Variants in TMEM14A observed in about 807,000 individuals in gnomAD.
TMEM14A encodes transmembrane protein 14A.
In TMEM14A, 8 loss-of-function variants were observed where a neutral mutation model predicts 11.6. The ratio of observed to expected loss-of-function variants is 0.69; its 90% CI spans 0.40 to 1.24. The LOEUF (loss-of-function observed/expected upper bound fraction) is 1.24. Among genes scored for constraint, TMEM14A ranks in the 50% most tolerant of loss-of-function variants. The pLI is 0.01. For missense variants in TMEM14A, 108 were observed against 121.9 expected (o/e 0.89, Z 0.54); for synonymous variants, 34 against 45.5 (o/e 0.75, Z 1.02).
intron 2 of TMEM14A, among the ~76,000 whole-genome samples, chr6:52,680,726 A>G (rs1236648530): frequency 1.5e-4 from 5 of 32,930 alleles, no homozygotes; most frequent in Admixed American, 3.2e-4. Context: ...TATGGCATGG[A>G]TGATTAACCC....
intron 2 of TMEM14A, among the ~76,000 whole-genome samples, chr6:52,680,127 C>T (rs540856793): frequency 4.6e-5 from 7 of 152,026 alleles, no homozygotes; most frequent in South Asian, 2.1e-4. Flanking sequence ...AAACAGCAAT[C>T]GCTCACAAGT....
At position 52,686,379 on chromosome 6, in the gene TMEM14A, A is replaced by G. The variant is rs1769494545; in HGVS notation, c.*330A>G. 5.2e-6 allele frequency: 2 copies of G among 385,872 alleles called. No homozygotes were observed. The highest frequency in any genetic ancestry group is 9.2e-6 in the Non-Finnish European group (2 of 217,156). The allele number at this position is 385,872 out of a possible 1,614,324, so 23.9% of individuals were successfully genotyped here. A position where few individuals can be genotyped will look rare whatever the true frequency, so the allele number is the denominator to read the frequency against. ...GTAAGCTTAAACTACAACTTGTCACATAAAGGAAGTCTTAAGTGGAGTTCA... is the reference window on the plus strand; with the variant it reads ...GTAAGCTTAAACTACAACTTGTCACGTAAAGGAAGTCTTAAGTGGAGTTCA... On this transcript the variant is annotated 3_prime_UTR_variant, in exon 5 of 5. Transcript: ENST00000211314.
chr6:52,676,693 A>G (rs913209754), intron 1 of TMEM14A, among the ~76,000 whole-genome samples: 4 of 152,212 alleles, frequency 2.6e-5, no homozygotes, highest in African/African-American at 7.2e-5. Flanking sequence ...AATCAACTCA[A>G]CTTCCGCAGG....
intron 2 of TMEM14A, among the ~76,000 whole-genome samples, chr6:52,678,382 T>C (rs879459434): frequency 4.7e-5 from 7 of 150,360 alleles, no homozygotes; most frequent in Non-Finnish European, 7.4e-5. Context: ...GAAGGAATCA[T>C]TTTATTCTAA....
chr6:52,677,277 A>T, intron 2 of TMEM14A, 105 bp downstream of exon 2: 3 of 1,261,206 alleles, frequency 2.4e-6, no homozygotes, highest in Non-Finnish European at 3.5e-6. Flanking sequence ...AAGATGCCTT[A>T]GAGGTGGCTG....
intron 1 of TMEM14A, among the ~76,000 whole-genome samples, chr6:52,676,153 G>A (rs1159157224): frequency 6.6e-6 from 1 of 152,204 alleles, no homozygotes; most frequent in Non-Finnish European, 1.5e-5. Context: ...GGCAGATCTT[G>A]AAGACAGGCA....
intron 3 of TMEM14A, among the ~76,000 whole-genome samples, chr6:52,683,477 CAACAACAAAAA>C (rs1214033583): frequency 4.4e-4 from 38 of 86,230 alleles, no homozygotes; most frequent in Non-Finnish European, 7.1e-4. Context: ...ACAACAACAA[CAACAACAAAAA>C]AAAAAAAAAG....
At chr6:52,682,057 T>C (rs1407678345) in intron 3 of TMEM14A, 143 bp downstream of exon 3, 4 of 568,778 alleles carry the variant, frequency 7.0e-6, no homozygotes, top group Non-Finnish European at 9.0e-6. Flanking sequence ...CAACACTTAT[T>C]CCTTTCTAGA....
chr6:52,677,711 T>C (rs1264733396), intron 2 of TMEM14A, among the ~76,000 whole-genome samples: 1 of 152,238 alleles, frequency 6.6e-6, no homozygotes, highest in Non-Finnish European at 1.5e-5. Flanking sequence ...TTTATAGTTA[T>C]GATGTCTCCT....
intron 2 of TMEM14A, among the ~76,000 whole-genome samples, chr6:52,678,329 TTGTGTG>T (rs201993880): frequency 0.023 from 685 of 30,116 alleles, 3 homozygotes; most frequent in East Asian, 0.086. Context: ...ATGTGTGTGT[TTGTGTG>T]TGTGTGTGTG....
At chr6:52,678,840 C>T (rs921534208) in intron 2 of TMEM14A, among the ~76,000 whole-genome samples, 1 of 152,156 alleles carries the variant, frequency 6.6e-6, no homozygotes, top group Non-Finnish European at 1.5e-5. Flanking sequence ...GGTCTGTGAG[C>T]CATGAGGCAT....
In TMEM14A at chr6:52,686,052, A is replaced by T; in HGVS notation, c.*3A>T. 1 of 1,611,158 alleles carries T rather than the reference A, an allele frequency of 6.2e-7. No homozygotes were observed. On this transcript the variant is annotated 3_prime_UTR_variant, in exon 5 of 5. Transcript: ENST00000211314. ...GACTTGTCTTGTTGCTGCTCTGAGCATCTGGAGGAACAGAAAACTAAGTTC... is the reference window on the plus strand; with the variant it reads ...GACTTGTCTTGTTGCTGCTCTGAGCTTCTGGAGGAACAGAAAACTAAGTTC...
At chr6:52,680,679 A>ATGTGTGTG (rs1283962149) in intron 2 of TMEM14A, among the ~76,000 whole-genome samples, 1 of 80,264 alleles carries the variant, frequency 1.2e-5, no homozygotes, top group Admixed American at 1.2e-4. Flanking sequence ...GTATATATAT[A>ATGTGTGTG]TATACATATA....
At chr6:52,675,955 G>A (rs1362552554) in intron 1 of TMEM14A, among the ~76,000 whole-genome samples, 2 of 152,218 alleles carry the variant, frequency 1.3e-5, no homozygotes, top group Non-Finnish European at 2.9e-5. Context: ...GAAGTCAGGG[G>A]AGAAGGTTTA....
chr6:52,677,004 C>T, intron 1 of TMEM14A, 83 bp from the exon 2 acceptor site: 1 of 1,299,912 alleles, frequency 7.7e-7, no homozygotes. Flanking sequence ...ACAGCCAAAC[C>T]ATATAAGCGT....
intron 3 of TMEM14A, 38 bp downstream of exon 3, chr6:52,681,952 C>T (rs762478910): frequency 2.1e-5 from 32 of 1,550,458 alleles, no homozygotes; most frequent in African/African-American, 9.5e-5. Flanking sequence ...GAGACTCAAA[C>T]ATTGGAGGTG....
intron 2 of TMEM14A, 85 bp downstream of exon 2, chr6:52,677,257 T>C: frequency 1.4e-6 from 2 of 1,448,630 alleles, no homozygotes; most frequent in Non-Finnish European, 1.9e-6. Flanking sequence ...GTAAGTAGGA[T>C]GAGAAGCTAA....
intron 1 of TMEM14A, among the ~76,000 whole-genome samples, chr6:52,671,642 T>G (rs1292983869): frequency 6.6e-6 from 1 of 152,198 alleles, no homozygotes; most frequent in Non-Finnish European, 1.5e-5. Context: ...TGTTATATCT[T>G]TAGCATGTGA....
intron 3 of TMEM14A, 29 bp downstream of exon 3, chr6:52,681,943 A>G (rs1464673851): frequency 6.3e-7 from 1 of 1,579,992 alleles, no homozygotes; most frequent in Admixed American, 1.7e-5. Flanking sequence ...CTGGTTACAG[A>G]GACTCAAACA....
Sources: gnomAD v4.1 joint callset for allele counts (sites outside exome capture counted in the v4.1 genomes callset) on GRCh38, gnomAD v4.1.1 for gene constraint, MANE v1.5 for transcripts, NCBI Gene and HGNC (gene_info 2026-07-23, HGNC 2026-07-21) for gene names.